Variants in NPAS3 observed in about 807,000 individuals in gnomAD.
NPAS3 encodes neuronal PAS domain protein 3, also known as neuronal PAS domain-containing protein 3.
Under a neutral mutation model 73.1 loss-of-function variants are expected in NPAS3, and 14 were observed. That is an observed-to-expected ratio of 0.19 (90% CI 0.13 to 0.30). The LOEUF (loss-of-function observed/expected upper bound fraction) is 0.30, where lower values mean the gene tolerates loss of function less well. NPAS3 is among the 10% of genes least tolerant of loss of function. The pLI, the probability that NPAS3 is intolerant of heterozygous loss-of-function variation, is 1.00. For missense variants in NPAS3, 1,096 were observed against 1,250.0 expected, an observed-to-expected ratio of 0.88 and a Z score of 1.86; for synonymous variants, 620 against 541.5, an observed-to-expected ratio of 1.14 and a Z score of -2.01.
At chr14:33,439,897 C>T (rs1383197270) in intron 4 of NPAS3, among the ~76,000 whole-genome samples, 1 of 151,950 alleles carries the variant, frequency 6.6e-6, no homozygotes, top group South Asian at 2.1e-4. Context: ...GGGTGCATCA[C>T]GAGGTCAGGA....
chr14:33,774,363 C>A, exon 8 of NPAS3: 1 of 1,613,954 alleles, frequency 6.2e-7, no homozygotes, highest in Non-Finnish European at 8.5e-7. Flanking sequence ...GCCGGCTACG[C>A]CTGAGAGTGT....
At chr14:33,049,170 G>A (rs2040615565) in intron 1 of NPAS3, among the ~76,000 whole-genome samples, 1 of 152,182 alleles carries the variant, frequency 6.6e-6, no homozygotes, top group Non-Finnish European at 1.5e-5. Context: ...ATAATTTTCA[G>A]TAAATGTTTA....
intron 3 of NPAS3, among the ~76,000 whole-genome samples, chr14:33,282,477 G>T (rs896088444): frequency 6.6e-6 from 1 of 152,162 alleles, no homozygotes; most frequent in African/African-American, 2.4e-5. Flanking sequence ...GCAGCTGATT[G>T]CAGCCCTTCT....
chr14:33,382,133 C>G (rs1209741154), intron 4 of NPAS3, among the ~76,000 whole-genome samples: 1 of 152,020 alleles, frequency 6.6e-6, no homozygotes, highest in Admixed American at 6.6e-5. Context: ...CATTTTCCCC[C>G]CAAAGAATGT....
chr14:33,557,332 C>A (rs371990341), intron 4 of NPAS3, among the ~76,000 whole-genome samples: 171 of 152,274 alleles, frequency 1.1e-3, no homozygotes, highest in South Asian at 8.7e-3. Context: ...GGCCAGGTAA[C>A]CTCCTGTGGA....
intron 6 of NPAS3, among the ~76,000 whole-genome samples, chr14:33,728,541 A>C (rs2061328501): frequency 6.6e-6 from 1 of 152,158 alleles, no homozygotes; most frequent in South Asian, 2.1e-4. Context: ...CTGCTGAGCC[A>C]AAGTATAGTG....
At chr14:33,321,032 A>G (rs905153101) in intron 3 of NPAS3, among the ~76,000 whole-genome samples, 4 of 152,086 alleles carry the variant, frequency 2.6e-5, no homozygotes, top group African/African-American at 7.2e-5. Context: ...AAAGCACCAC[A>G]CTAAGATGAG....
chr14:33,111,004 G>A (rs571751658), intron 2 of NPAS3, among the ~76,000 whole-genome samples: 2 of 152,200 alleles, frequency 1.3e-5, no homozygotes, highest in African/African-American at 4.8e-5. Flanking sequence ...ACCCCTGTGA[G>A]GCTGAACCTC....
chr14:33,292,309 G>T (rs1290284358), intron 3 of NPAS3, among the ~76,000 whole-genome samples: 1 of 152,088 alleles, frequency 6.6e-6, no homozygotes, highest in Non-Finnish European at 1.5e-5. Context: ...CATTGAACTA[G>T]GAAGGATAAT....
chr14:32,961,289 G>C (rs2036904097), intron 1 of NPAS3, among the ~76,000 whole-genome samples: 1 of 151,792 alleles, frequency 6.6e-6, no homozygotes, highest in African/African-American at 2.4e-5. Flanking sequence ...GCGCGTGCCT[G>C]TAGTCCCAGC....
chr14:32,988,778 T>C (rs777236457), intron 1 of NPAS3, among the ~76,000 whole-genome samples: 2 of 152,240 alleles, frequency 1.3e-5, no homozygotes, highest in Non-Finnish European at 2.9e-5. Context: ...ACTTAATCTC[T>C]CCAATACTTA....
intron 4 of NPAS3, among the ~76,000 whole-genome samples, chr14:33,546,606 C>G (rs1006419467): frequency 6.6e-6 from 1 of 152,086 alleles, no homozygotes; most frequent in Non-Finnish European, 1.5e-5. Context: ...GGATTTTTAT[C>G]CTGCTCAATA....
At chr14:33,035,674 A>G (rs1318028769) in intron 1 of NPAS3, among the ~76,000 whole-genome samples, 1 of 152,198 alleles carries the variant, frequency 6.6e-6, no homozygotes, top group Non-Finnish European at 1.5e-5. Flanking sequence ...TACTTTGCAA[A>G]AGGGATTGCC....
chr14:33,678,215 C>T (rs535147638), intron 6 of NPAS3, among the ~76,000 whole-genome samples: 2 of 152,194 alleles, frequency 1.3e-5, no homozygotes, highest in Non-Finnish European at 2.9e-5. Flanking sequence ...TGATAGGAAG[C>T]TCATGAACTT....
intron 4 of NPAS3, among the ~76,000 whole-genome samples, chr14:33,381,479 T>C (rs1354187362): frequency 6.6e-6 from 1 of 152,188 alleles, no homozygotes; most frequent in East Asian, 1.9e-4. Flanking sequence ...ATATGACTGA[T>C]TGGTAACTAA....
At chr14:33,268,257 G>A (rs2040905715) in intron 3 of NPAS3, among the ~76,000 whole-genome samples, 2 of 152,178 alleles carry the variant, frequency 1.3e-5, no homozygotes, top group East Asian at 1.9e-4. Context: ...GTTACTGGCT[G>A]CTTTCTCTCT....
intron 3 of NPAS3, among the ~76,000 whole-genome samples, chr14:33,227,347 A>C (rs1167813390): frequency 1.3e-5 from 2 of 152,202 alleles, no homozygotes; most frequent in Non-Finnish European, 2.9e-5. Context: ...TGCTATACGA[A>C]CAACTCCAAT....
chr14:33,787,958 AAAGG>A (rs2063228920), intron 9 of NPAS3, among the ~76,000 whole-genome samples: 2 of 152,208 alleles, frequency 1.3e-5, no homozygotes, highest in South Asian at 4.1e-4. Flanking sequence ...AAAAGAAAAA[AAAGG>A]AAAGAAAGAA....
intron 1 of NPAS3, among the ~76,000 whole-genome samples, chr14:32,989,188 G>A (rs1172276749): frequency 1.3e-5 from 2 of 152,174 alleles, no homozygotes; most frequent in Admixed American, 1.3e-4. Flanking sequence ...AACCCTTTAA[G>A]TCTTGAAGAA....
Sources: gnomAD v4.1 joint callset for allele counts (sites outside exome capture counted in the v4.1 genomes callset) on GRCh38, gnomAD v4.1.1 for gene constraint, MANE v1.5 for transcripts, NCBI Gene and HGNC (gene_info 2026-07-23, HGNC 2026-07-21) for gene names.